The following PLXNA2 variants were observed in gnomAD, a reference collection of about 807,000 sequenced individuals.
PLXNA2 encodes the protein plexin-A2.
Under a neutral mutation model 193.5 loss-of-function variants are expected in PLXNA2, and 91 were observed. That is an observed-to-expected ratio of 0.47 (90% CI 0.40 to 0.56). PLXNA2 has a LOEUF of 0.56. PLXNA2 is among the 20% of genes least tolerant of loss of function. PLXNA2 has a pLI of 0.00. For synonymous variants in PLXNA2, 997 were observed against 1,027.3 expected (o/e 0.97, Z 0.56); for missense variants, 1,995 against 2,503.2 (o/e 0.80, Z 4.33).
chr1:208,138,487 G>A (rs372579618), intron 4 of PLXNA2, among the ~76,000 whole-genome samples: 5 of 152,216 alleles, frequency 3.3e-5, no homozygotes, highest in South Asian at 2.1e-4. Context: ...GAGAGCATGT[G>A]TACATATCCA....
At chr1:208,196,977 A>G (rs1235770379) in intron 3 of PLXNA2, among the ~76,000 whole-genome samples, 1 of 152,188 alleles carries the variant, frequency 6.6e-6, no homozygotes, top group Non-Finnish European at 1.5e-5. Flanking sequence ...AGAGATTTAG[A>G]TGCTTATTGA....
At chr1:208,102,983 T>C (rs1202752285) in intron 5 of PLXNA2, among the ~76,000 whole-genome samples, 164 bp downstream of exon 5, 1 of 152,226 alleles carries the variant, frequency 6.6e-6, no homozygotes, top group African/African-American at 2.4e-5. Context: ...GGCCCACCCA[T>C]GGCCTCTTTG....
At chr1:208,084,840 G>A (rs558509419) in intron 9 of PLXNA2, among the ~76,000 whole-genome samples, 1 of 152,354 alleles carries the variant, frequency 6.6e-6, no homozygotes, top group East Asian at 1.9e-4. Flanking sequence ...AGTGTGGCAA[G>A]CTGTGGATTT....
chr1:208,134,784 G>A (rs1571954534), intron 4 of PLXNA2, among the ~76,000 whole-genome samples: 2 of 152,136 alleles, frequency 1.3e-5, no homozygotes, highest in East Asian at 3.8e-4. Flanking sequence ...AAACAAATGT[G>A]CACAATCAAA....
At chr1:208,027,599 A>G (rs1273284101) in intron 31 of PLXNA2, among the ~76,000 whole-genome samples, 2 of 152,114 alleles carry the variant, frequency 1.3e-5, no homozygotes, top group Non-Finnish European at 2.9e-5. Flanking sequence ...TACTACTTTC[A>G]CGTTCAATGC....
chr1:208,069,689 C>T (rs1051484026), intron 12 of PLXNA2, among the ~76,000 whole-genome samples: 10 of 152,200 alleles, frequency 6.6e-5, no homozygotes, highest in South Asian at 2.1e-4. Flanking sequence ...AGGGGCTTAT[C>T]GGGGCAGAGG....
At chr1:208,166,842 T>C (rs1320223374) in intron 3 of PLXNA2, among the ~76,000 whole-genome samples, 2 of 152,190 alleles carry the variant, frequency 1.3e-5, no homozygotes, top group Non-Finnish European at 2.9e-5. Context: ...TCTAAACCTC[T>C]GGTTTCGGTT....
Position 208,059,920 on chromosome 1 carries a change from C to T in PLXNA2, c.2738+766G>A, listed in dbSNP as rs554747285. Reference sequence around the variant, plus strand: ...GAGGGTTAGGATAAGGGAAGGAAGTCCCTGCCCCAAAGTCATGCTCTTGCT... The same window carrying T: ...GAGGGTTAGGATAAGGGAAGGAAGTTCCTGCCCCAAAGTCATGCTCTTGCT... On this transcript the variant is annotated intron_variant, in intron 13 of 31. Transcript: ENST00000367033. Among the ~76,000 whole-genome samples, 143 of 152,234 alleles carry T rather than the reference C, an allele frequency of 9.4e-4. 1 individual carries two copies. Among genetic ancestry groups the T allele is most frequent in the African/African-American group, 3.3e-3 (135 of 41,538 alleles).
At chr1:208,043,397 A>G (rs1004258120) in intron 20 of PLXNA2, among the ~76,000 whole-genome samples, 194 bp from the exon 21 acceptor site, 1 of 151,664 alleles carries the variant, frequency 6.6e-6, no homozygotes, top group African/African-American at 2.4e-5. Context: ...TTTTTATGTT[A>G]TTTTCTCCTC....
chr1:208,063,869 C>G (rs1398295437), intron 12 of PLXNA2, among the ~76,000 whole-genome samples: 4 of 152,172 alleles, frequency 2.6e-5, no homozygotes, highest in Non-Finnish European at 5.9e-5. Context: ...ACTTCCAAAT[C>G]CATAAGGTTG....
intron 1 of PLXNA2, among the ~76,000 whole-genome samples, chr1:208,227,359 A>G (rs1671545515): frequency 6.6e-6 from 1 of 152,204 alleles, no homozygotes; most frequent in Non-Finnish European, 1.5e-5. Flanking sequence ...GGTGAGCATG[A>G]CTATCCCCAT....
intron 3 of PLXNA2, among the ~76,000 whole-genome samples, chr1:208,204,504 A>G (rs1301358641): frequency 6.6e-6 from 1 of 152,138 alleles, no homozygotes; most frequent in African/African-American, 2.4e-5. Flanking sequence ...TTGACTCCTC[A>G]TGCCACTGCC....
In PLXNA2 at chr1:208,043,153, G is replaced by C. The variant is rs376434693; in HGVS notation, c.3925C>G (p.Arg1309Gly). 6.2e-7 allele frequency: 1 copy of C among 1,614,092 alleles called. No individual in the cohort carries two copies. Among genetic ancestry groups the C allele is most frequent in the Non-Finnish European group, 8.5e-7 (1 of 1,179,946 alleles). Reference protein sequence around the residue: ...DINELTSDLDRSGIPYLDYRT... With the variant: ...DINELTSDLDGSGIPYLDYRT... ...TAGTCCAGGTAAGGGATTCCTGAGC[G>C]GTCCAGGTCACTGGTCAACTCATTG... is the stretch of plus-strand genomic sequence containing the variant. Residue 1309 changes from arginine to glycine, a missense_variant, in exon 21 of 32, where the codon CGC becomes GGC. Around this residue, in one of 3 missense-constraint regions of PLXNA2, gnomAD observed 1,291 missense variants for 1,673.6 expected, o/e 0.77. Transcript: ENST00000367033.
At chr1:208,203,838 G>A (rs1437285259) in intron 3 of PLXNA2, among the ~76,000 whole-genome samples, 1 of 152,182 alleles carries the variant, frequency 6.6e-6, no homozygotes, top group African/African-American at 2.4e-5. Context: ...AAAGAACCAC[G>A]GAAACGTATC....
intron 4 of PLXNA2, among the ~76,000 whole-genome samples, chr1:208,141,809 T>C (rs950702962): frequency 6.6e-6 from 1 of 152,230 alleles, no homozygotes; most frequent in Non-Finnish European, 1.5e-5. Context: ...GGTAGAAGTC[T>C]ATTTCTCAGG....
intron 1 of PLXNA2, 141 bp downstream of exon 1, chr1:208,243,502 C>T (rs1672130147): frequency 6.6e-6 from 1 of 152,076 alleles, no homozygotes; most frequent in Admixed American, 6.5e-5. Context: ...CGGGGACTCG[C>T]CCGCCGCGGC....
chr1:208,183,705 C>T (rs1399413159), intron 3 of PLXNA2, among the ~76,000 whole-genome samples: 4 of 152,114 alleles, frequency 2.6e-5, no homozygotes, highest in Middle Eastern at 3.2e-3. Flanking sequence ...CCAAGAGAGG[C>T]CCGTCTGATG....
intron 3 of PLXNA2, among the ~76,000 whole-genome samples, chr1:208,150,158 T>A (rs1399269553): frequency 6.6e-6 from 1 of 152,130 alleles, no homozygotes; most frequent in African/African-American, 2.4e-5. Context: ...GTTGTTAAGA[T>A]GTTCTAAGAT....
intron 7 of PLXNA2, 130 bp from the exon 8 acceptor site, chr1:208,096,255 C>T (rs1054106385): frequency 5.7e-6 from 4 of 705,636 alleles, no homozygotes; most frequent in East Asian, 2.5e-5. Flanking sequence ...TATGTGGAAC[C>T]TGCCTGAATC....
Sources: gnomAD v4.1 joint callset for allele counts (sites outside exome capture counted in the v4.1 genomes callset) on GRCh38, gnomAD v4.1.1 for gene constraint, gnomAD v4.1.1 regional missense constraint, MANE v1.5 for transcripts, NCBI Gene and HGNC (gene_info 2026-07-23, HGNC 2026-07-21) for gene names.